SBF2: variants seen among roughly 807,000 people sequenced by gnomAD.
SBF2 encodes the protein myotubularin-related protein 13.
SBF2 carries 112 observed loss-of-function variants against 225.2 expected under a neutral mutation model. The observed-to-expected ratio is 0.50, with a 90% CI of 0.43 to 0.58. The LOEUF is 0.58. SBF2 is among the 20% of genes least tolerant of loss of function. The pLI is 0.00. For missense variants in SBF2, 1,996 were observed against 2,206.2 expected (o/e 0.90, Z 1.91); for synonymous variants, 763 against 773.3 (o/e 0.99, Z 0.22).
intron 8 of SBF2, among the ~76,000 whole-genome samples, chr11:9,999,320 TG>T (rs1347369461): frequency 1.3e-5 from 2 of 151,288 alleles, no homozygotes; most frequent in African/African-American, 4.9e-5. Context: ...TATGTATGTA[TG>T]TATGTATGTA....
At chr11:9,916,421 T>C (rs1564997754) in intron 16 of SBF2, among the ~76,000 whole-genome samples, 1 of 152,176 alleles carries the variant, frequency 6.6e-6, no homozygotes, top group African/African-American at 2.4e-5. Flanking sequence ...TTGCACACAA[T>C]GAATGAAATA....
At position 9,852,764 on chromosome 11, in the gene SBF2, A is replaced by G; in HGVS notation, c.2537-15T>C. On this transcript the variant is annotated splice_polypyrimidine_tract_variant and intron_variant, in intron 20 of 39. Coordinates refer to ENST00000256190, the MANE Select transcript of SBF2 (RefSeq NM_030962.4). ...AGCTACAATTCCTAGGATGAGTCAG[A>G]GTATTCAAAATGAAAGAACACAGAC... The G allele has an allele frequency of 6.3e-7, 1 of 1,580,982 alleles. No homozygotes were observed. Among genetic ancestry groups the G allele is most frequent in the Non-Finnish European group, 8.7e-7 (1 of 1,149,912 alleles).
At chr11:10,069,404 G>A (rs548951056) in intron 2 of SBF2, among the ~76,000 whole-genome samples, 5 of 146,636 alleles carry the variant, frequency 3.4e-5, no homozygotes, top group East Asian at 4.1e-4. Context: ...GTGAGAACAT[G>A]TGGTGTTTGG....
At position 9,780,170 on chromosome 11, in the gene SBF2, A is replaced by T. The variant is rs886683571; in HGVS notation, c.*248T>A. The T allele has an allele frequency of 2.0e-6, 1 of 504,456 alleles. No homozygotes were observed. Among genetic ancestry groups the T allele is most frequent in the African/African-American group, 1.9e-5 (1 of 51,876 alleles). The allele number at this position is 504,456 out of a possible 1,614,324, so 31.2% of individuals were successfully genotyped here. On this transcript the variant is annotated 3_prime_UTR_variant, in exon 40 of 40. Transcript: ENST00000256190. ...GCTCAGGAGACATCTTCTGATCATT[A>T]ACCACTAAGACCCTGTTAGAAAAAT...
intron 28 of SBF2, among the ~76,000 whole-genome samples, chr11:9,817,318 C>T (rs1040033829): frequency 3.3e-5 from 5 of 152,018 alleles, no homozygotes; most frequent in African/African-American, 7.3e-5. Flanking sequence ...AGATCTTAAG[C>T]AGAAACAGTA....
At chr11:9,876,206 A>G (rs1272079983) in intron 17 of SBF2, among the ~76,000 whole-genome samples, 1 of 152,194 alleles carries the variant, frequency 6.6e-6, no homozygotes, top group Non-Finnish European at 1.5e-5. Context: ...TCTCCCTGCC[A>G]TGACATTGGT....
chr11:10,130,019 A>G (rs1169426899), intron 2 of SBF2, among the ~76,000 whole-genome samples: 2 of 152,048 alleles, frequency 1.3e-5, no homozygotes, highest in Non-Finnish European at 2.9e-5. Flanking sequence ...TCAAAATATT[A>G]AAAAAGAAAA....
chr11:9,880,486 C>T (rs148818760), intron 17 of SBF2, among the ~76,000 whole-genome samples: 18 of 152,266 alleles, frequency 1.2e-4, no homozygotes, highest in Middle Eastern at 3.4e-3. Context: ...AACTCATTTG[C>T]GTTATTTGTT....
At chr11:9,846,069 T>TA (rs1332943355) in intron 23 of SBF2, among the ~76,000 whole-genome samples, 2 of 152,148 alleles carry the variant, frequency 1.3e-5, no homozygotes, top group African/African-American at 4.8e-5. Context: ...TTTGGCCTAA[T>TA]AAGGTCTCTT....
chr11:10,134,362 C>T (rs530466516), intron 2 of SBF2, among the ~76,000 whole-genome samples: 3 of 152,186 alleles, frequency 2.0e-5, no homozygotes, highest in African/African-American at 7.2e-5. Flanking sequence ...TATCATTCTG[C>T]CCTGGCCCCC....
At chr11:9,807,906 GA>G (rs746729379) in intron 32 of SBF2, 93 bp downstream of exon 32, 1 of 1,090,584 alleles carries the variant, frequency 9.2e-7, no homozygotes, top group Non-Finnish European at 1.4e-6. Flanking sequence ...GTTATGACAG[GA>G]AGGTACCGGG....
In SBF2 at chr11:10,129,861, TTAATGAGG is replaced by T. The variant is rs903431057; in HGVS notation, c.141+64033_141+64040del. 5.7e-4 allele frequency among the ~76,000 whole-genome samples: 87 copies of T among 151,806 alleles called. 1 individual carries two copies. The highest frequency in any genetic ancestry group is 1.7e-3 in the African/African-American group (71 of 41,326). On this transcript the variant is annotated intron_variant, in intron 2 of 39. Transcript: ENST00000256190. ...CTCTAAACAAACAAACAAACAAACA[TTAATGAGG>T]TATGGTGGTGCATACCTGTAATTCC...
At chr11:10,179,391 A>AAAAAAC (rs1555065695) in intron 2 of SBF2, among the ~76,000 whole-genome samples, 1 of 148,538 alleles carries the variant, frequency 6.7e-6, no homozygotes, top group African/African-American at 2.5e-5. Context: ...AAAAAACAAA[A>AAAAAAC]AAAAACAAAA....
intron 1 of SBF2, among the ~76,000 whole-genome samples, chr11:10,279,106 T>TGAAAA: frequency 1.8e-5 from 1 of 56,140 alleles, no homozygotes; most frequent in Non-Finnish European, 3.2e-5. Context: ...GGTCTTGTAT[T>TGAAAA]AAAAAAAAAA....
chr11:9,796,571 T>C (rs1029159906), intron 32 of SBF2, among the ~76,000 whole-genome samples: 1 of 152,114 alleles, frequency 6.6e-6, no homozygotes, highest in African/African-American at 2.4e-5. Flanking sequence ...CTGAAGGCAA[T>C]CCAGAAGGAG....
At chr11:9,789,584 T>C (rs945671646) in intron 34 of SBF2, among the ~76,000 whole-genome samples, 24 of 152,332 alleles carry the variant, frequency 1.6e-4, no homozygotes, top group Admixed American at 3.3e-4. Context: ...TCAAGTTCAA[T>C]AGAGAATTCT....
chr11:9,891,723 T>C (rs1304174897), intron 17 of SBF2, among the ~76,000 whole-genome samples: 2 of 152,248 alleles, frequency 1.3e-5, no homozygotes, highest in Non-Finnish European at 2.9e-5. Context: ...ATGAATTACA[T>C]GTTACTTAGT....
chr11:10,131,645 G>A (rs1565265502), intron 2 of SBF2, among the ~76,000 whole-genome samples: 2 of 152,014 alleles, frequency 1.3e-5, no homozygotes, highest in Non-Finnish European at 2.9e-5. Flanking sequence ...TGTTGGTCAG[G>A]CTGGAGGCTG....
chr11:10,260,059 C>T (rs1329770510), intron 1 of SBF2, among the ~76,000 whole-genome samples: 11 of 152,124 alleles, frequency 7.2e-5, no homozygotes, highest in African/African-American at 2.7e-4. Flanking sequence ...CTACATCATT[C>T]TCTGATTTGG....
Sources: allele counts gnomAD v4.1 joint callset (sites outside exome capture counted in the v4.1 genomes callset), GRCh38; gene constraint gnomAD v4.1.1; transcripts MANE v1.5; gene names NCBI Gene and HGNC (gene_info 2026-07-23, HGNC 2026-07-21).